Variants in CIMIP2A observed in about 807,000 individuals in gnomAD.
CIMIP2A encodes ciliary microtubule inner protein 2A.
At chr9:137,249,570 A>G in the CIMIP2A span, among the ~76,000 whole-genome samples, 1 of 152,164 alleles carries the variant, frequency 6.6e-6, no homozygotes, top group Non-Finnish European at 1.5e-5. Flanking sequence ...GCAGGACGCT[A>G]ACATTCTCAC....
chr9:137,244,905 C>G, the CIMIP2A span: 1 of 1,588,328 alleles, frequency 6.3e-7, no homozygotes, highest in South Asian at 1.1e-5. Flanking sequence ...AAGGCACCGC[C>G]TCGTCTTGGG....
chr9:137,252,083 A>G, the CIMIP2A span: 4 of 1,612,610 alleles, frequency 2.5e-6, no homozygotes, highest in South Asian at 1.1e-5. Context: ...CGTCCGTACG[A>G]GAGTCCTCCC....
chr9:137,252,884 C>T, the CIMIP2A span: 1 of 1,593,890 alleles, frequency 6.3e-7, no homozygotes, highest in Non-Finnish European at 8.5e-7. Flanking sequence ...CAATATCCTT[C>T]CTGGGAGCCG....
At chr9:137,253,915 T>TG in the CIMIP2A span, among the ~76,000 whole-genome samples, 15 of 152,180 alleles carry the variant, frequency 9.9e-5, no homozygotes, top group Non-Finnish European at 1.8e-4. Flanking sequence ...TAGTCACCTG[T>TG]GCCCTGAACA....
the CIMIP2A span, among the ~76,000 whole-genome samples, chr9:137,247,400 C>T: frequency 6.6e-6 from 1 of 152,270 alleles, no homozygotes; most frequent in Admixed American, 6.5e-5. Context: ...GCTCGACAGA[C>T]GTGCTGGCCA....
chr9:137,246,072 G>C, the CIMIP2A span, among the ~76,000 whole-genome samples: 2 of 152,214 alleles, frequency 1.3e-5, no homozygotes, highest in Non-Finnish European at 2.9e-5. Flanking sequence ...ACCACATGCT[G>C]GGAACACGTC....
chr9:137,252,066 C>G, the CIMIP2A span: 2 of 1,612,996 alleles, frequency 1.2e-6, no homozygotes, highest in Non-Finnish European at 1.7e-6. Flanking sequence ...GTACCAGGTG[C>G]CGAGCCCGTC....
the CIMIP2A span, chr9:137,243,808 A>G: frequency 1.9e-6 from 3 of 1,613,472 alleles, no homozygotes; most frequent in Admixed American, 3.3e-5. Flanking sequence ...GCCAGGCTGC[A>G]GCTGAGCTGG....
the CIMIP2A span, chr9:137,245,706 G>A: frequency 6.2e-7 from 1 of 1,603,754 alleles, no homozygotes; most frequent in Non-Finnish European, 8.5e-7. Context: ...TGGACTGGCT[G>A]AAGTCCTCAA....
chr9:137,252,066 C>T, the CIMIP2A span: 6 of 1,612,878 alleles, frequency 3.7e-6, no homozygotes, highest in Non-Finnish European at 5.1e-6. Flanking sequence ...GTACCAGGTG[C>T]CGAGCCCGTC....
At chr9:137,251,435 G>C in the CIMIP2A span, 6 of 1,478,842 alleles carry the variant, frequency 4.1e-6, no homozygotes, top group African/African-American at 6.9e-5. Context: ...GGGCCAGCTG[G>C]GAGTGGCCAG....
At chr9:137,251,662 T>C in the CIMIP2A span, 5 of 1,463,722 alleles carry the variant, frequency 3.4e-6, no homozygotes, top group Admixed American at 2.1e-5. Context: ...TGAGGGACAA[T>C]AGAGGGGACA....
At chr9:137,251,190 C>T in the CIMIP2A span, 1 of 923,180 alleles carries the variant, frequency 1.1e-6, no homozygotes, top group South Asian at 1.3e-5. Flanking sequence ...CAGGGCCAGA[C>T]AATGTGTCTT....
At chr9:137,253,634 G>A in the CIMIP2A span, 1 of 641,428 alleles carries the variant, frequency 1.6e-6, no homozygotes. Context: ...GCCTGTGACT[G>A]ACCCTGAGCT....
the CIMIP2A span, chr9:137,244,683 C>T: frequency 3.1e-6 from 5 of 1,613,710 alleles, no homozygotes; most frequent in African/African-American, 1.3e-5. Context: ...ATGACGCCGT[C>T]TCGGTAATTC....
chr9:137,248,507 C>T, the CIMIP2A span, among the ~76,000 whole-genome samples: 3 of 144,118 alleles, frequency 2.1e-5, no homozygotes, highest in Admixed American at 1.4e-4. Context: ...CGTGCCACTG[C>T]ACTCCAGCCT....
chr9:137,247,602 C>A, the CIMIP2A span: 2 of 1,538,106 alleles, frequency 1.3e-6, no homozygotes, highest in South Asian at 2.2e-5. Flanking sequence ...CAGGCCCCAG[C>A]CATTCTCCCC....
the CIMIP2A span, chr9:137,252,565 G>C: frequency 6.0e-6 from 9 of 1,509,738 alleles, no homozygotes; most frequent in Non-Finnish European, 8.1e-6. Context: ...AGTCCACGCA[G>C]GCAGGGGGCT....
chr9:137,244,138 G>T, the CIMIP2A span: 6 of 1,598,198 alleles, frequency 3.8e-6, no homozygotes, highest in African/African-American at 8.0e-5. Context: ...ATTGGCCGGG[G>T]TGTGTCCATG....
Sources: gnomAD v4.1 joint callset for allele counts (sites outside exome capture counted in the v4.1 genomes callset) on GRCh38, gnomAD v4.1.1 for gene constraint, MANE v1.5 for transcripts, NCBI Gene and HGNC (gene_info 2026-07-23, HGNC 2026-07-21) for gene names.